MRPL1: variants seen among roughly 807,000 people sequenced by gnomAD.
MRPL1 encodes the protein mitochondrial ribosomal protein L1, also known as large ribosomal subunit protein uL1m.
A neutral mutation model predicts 38.0 loss-of-function variants in MRPL1; 28 were observed. The ratio of observed to expected loss-of-function variants is 0.74; its 90% CI spans 0.55 to 1.01. The LOEUF is 1.01. Ranked by LOEUF, MRPL1 falls within the 50% of genes least tolerant of loss-of-function variation. The pLI is 0.00. For synonymous variants in MRPL1, 123 were observed against 126.7 expected (o/e 0.97, Z 0.20); for missense variants, 358 against 389.8 (o/e 0.92, Z 0.69).
intron 7 of MRPL1, among the ~76,000 whole-genome samples, chr4:77,948,405 A>G (rs78309910): frequency 6.6e-6 from 1 of 152,198 alleles, no homozygotes; most frequent in East Asian, 1.9e-4. Context: ...ACTTGCTTCA[A>G]TGTAAATTAA....
At chr4:77,878,457 C>T (rs1017790470) in intron 2 of MRPL1, among the ~76,000 whole-genome samples, 8 of 152,188 alleles carry the variant, frequency 5.3e-5, no homozygotes, top group East Asian at 1.9e-4. Context: ...AGAGGTTGTA[C>T]GAATTTCCCC....
At chr4:77,938,791 A>T (rs1041716648) in intron 7 of MRPL1, among the ~76,000 whole-genome samples, 2 of 152,272 alleles carry the variant, frequency 1.3e-5, no homozygotes, top group Non-Finnish European at 2.9e-5. Flanking sequence ...ACATGGTATA[A>T]GCATATGCAC....
At chr4:77,902,131 T>A (rs969187547) in intron 6 of MRPL1, among the ~76,000 whole-genome samples, 2 of 152,150 alleles carry the variant, frequency 1.3e-5, no homozygotes, top group African/African-American at 4.8e-5. Context: ...AAGACTGTCT[T>A]AAACTGAATG....
intron 7 of MRPL1, among the ~76,000 whole-genome samples, chr4:77,936,247 C>T (rs1736975324): frequency 6.6e-6 from 1 of 151,938 alleles, no homozygotes; most frequent in Non-Finnish European, 1.5e-5. Flanking sequence ...AACACTTTCC[C>T]ATGTCATTAA....
intron 5 of MRPL1, among the ~76,000 whole-genome samples, chr4:77,889,238 A>T (rs192995752): frequency 1.1e-3 from 166 of 152,218 alleles, no homozygotes; most frequent in African/African-American, 2.8e-3. Context: ...GAAGTAAAGC[A>T]CTCCTCAGCA....
rs140622793 is a variant in MRPL1 at position 77,881,879 on chromosome 4, T to G, written c.144-1363T>G. On this transcript the variant is annotated intron_variant, in intron 2 of 8. Transcript: ENST00000315567. ...TTAATTGTTTTCAATCCTACTTCCT[T>G]CAGGTCTCTCTCTTATATTGCAGCC... Among the ~76,000 whole-genome samples the G allele has an allele frequency of 6.3e-4, 96 of 152,288 alleles. 1 individual carries two copies. In the East Asian group the frequency reaches 0.014, roughly 22 times the overall value.
intron 8 of MRPL1, among the ~76,000 whole-genome samples, chr4:77,950,561 GTT>G (rs553032150): frequency 9.5e-4 from 145 of 152,286 alleles, no homozygotes; most frequent in African/African-American, 3.1e-3. Flanking sequence ...GTCAGGTTTA[GTT>G]TTATAACCAA....
chr4:77,927,667 T>A (rs1358591225), intron 7 of MRPL1, among the ~76,000 whole-genome samples: 1 of 151,996 alleles, frequency 6.6e-6, no homozygotes, highest in Non-Finnish European at 1.5e-5. Flanking sequence ...GGAAAAATGA[T>A]AAAAATTTCA....
intron 7 of MRPL1, among the ~76,000 whole-genome samples, chr4:77,929,714 C>T (rs1004243752): frequency 2.0e-5 from 3 of 151,614 alleles, no homozygotes; most frequent in African/African-American, 7.3e-5. Flanking sequence ...ACAATGGCTC[C>T]GTGGCCTGTT....
At chr4:77,905,496 C>CAAAAAAAA (rs374398968) in intron 6 of MRPL1, among the ~76,000 whole-genome samples, 21 of 63,358 alleles carry the variant, frequency 3.3e-4, no homozygotes, top group South Asian at 7.7e-4. Context: ...GACTCCGTCT[C>CAAAAAAAA]AAAAAAAAAA....
chr4:77,894,353 T>C, intron 6 of MRPL1, 103 bp downstream of exon 6: 1 of 674,166 alleles, frequency 1.5e-6, no homozygotes, highest in Non-Finnish European at 2.5e-6. Flanking sequence ...ATAAATAGTA[T>C]GTCCTGGTAT....
chr4:77,893,309 A>G (rs368523271), intron 5 of MRPL1, among the ~76,000 whole-genome samples: 6 of 151,892 alleles, frequency 4.0e-5, no homozygotes, highest in African/African-American at 1.5e-4. Context: ...TAGAGACAGG[A>G]TTTTGCCTTG....
At chr4:77,899,289 G>A (rs1333364449) in intron 6 of MRPL1, among the ~76,000 whole-genome samples, 1 of 151,448 alleles carries the variant, frequency 6.6e-6, no homozygotes, top group Non-Finnish European at 1.5e-5. Flanking sequence ...TTACAGGCAT[G>A]TGCAACCATG....
At chr4:77,945,367 C>G (rs891147004) in intron 7 of MRPL1, among the ~76,000 whole-genome samples, 41 of 152,040 alleles carry the variant, frequency 2.7e-4, no homozygotes, top group African/African-American at 8.9e-4. Context: ...AAGTGCTTAT[C>G]CAAAGCAGCA....
intron 8 of MRPL1, 26 bp downstream of exon 8, chr4:77,949,904 TC>T: frequency 6.9e-7 from 1 of 1,439,804 alleles, no homozygotes; most frequent in South Asian, 1.2e-5. Flanking sequence ...AGGGTAGACT[TC>T]CCTATGACCC....
intron 1 of MRPL1, 77 bp from the exon 2 acceptor site, chr4:77,871,667 T>A: frequency 1.5e-6 from 1 of 657,906 alleles, no homozygotes; most frequent in Non-Finnish European, 2.5e-6. Flanking sequence ...ATTTTGAAAG[T>A]ACTGACTTTT....
chr4:77,889,671 C>G (rs1735762668), intron 5 of MRPL1, among the ~76,000 whole-genome samples: 1 of 152,014 alleles, frequency 6.6e-6, no homozygotes, highest in Admixed American at 6.6e-5. Context: ...AAAAACCCTT[C>G]AAAAAATCAA....
chr4:77,902,251 G>A (rs561352854), intron 6 of MRPL1, among the ~76,000 whole-genome samples: 1 of 152,298 alleles, frequency 6.6e-6, no homozygotes, highest in East Asian at 1.9e-4. Flanking sequence ...GCATATGCCT[G>A]TCATTCCAGC....
chr4:77,941,656 C>T lies in MRPL1; in HGVS notation c.778-8141C>T, dbSNP rs141430274. 1.3e-4 allele frequency among the ~76,000 whole-genome samples: 20 copies of T among 152,008 alleles called. No homozygotes were observed. The East Asian group carries it at 2.3e-3, about 18-fold the overall frequency. On this transcript the variant is annotated intron_variant, in intron 7 of 8. Transcript: ENST00000315567. The stretch of plus-strand genomic sequence containing the variant: ...CCATCTCTTCTAGGTTTTCTATGTG[C>T]GTAAAAGTATCAGAGTAGCCTTTAA...
Sources: gnomAD v4.1 joint callset for allele counts (sites outside exome capture counted in the v4.1 genomes callset) on GRCh38, gnomAD v4.1.1 for gene constraint, MANE v1.5 for transcripts, NCBI Gene and HGNC (gene_info 2026-07-23, HGNC 2026-07-21) for gene names.